AFG2A: variants seen among roughly 807,000 people sequenced by gnomAD.
AFG2A encodes AAA ATPase AFG2A.
At chr4:123,000,370 C>T in the AFG2A span, among the ~76,000 whole-genome samples, 1 of 151,228 alleles carries the variant, frequency 6.6e-6, no homozygotes, top group African/African-American at 2.4e-5. Flanking sequence ...AGAGGGCATC[C>T]CTGTCTTGTG....
chr4:123,050,805 C>T, the AFG2A span, among the ~76,000 whole-genome samples: 1 of 150,918 alleles, frequency 6.6e-6, no homozygotes, highest in East Asian at 1.9e-4. Context: ...AGTGCAGTGG[C>T]ACTCTCTCGG....
At chr4:123,192,020 T>A in the AFG2A span, among the ~76,000 whole-genome samples, 1 of 151,958 alleles carries the variant, frequency 6.6e-6, no homozygotes, top group South Asian at 2.1e-4. Context: ...AATCATATAG[T>A]CTTTTCTTCT....
the AFG2A span, among the ~76,000 whole-genome samples, chr4:122,930,276 A>G: frequency 6.6e-6 from 1 of 152,230 alleles, no homozygotes; most frequent in Admixed American, 6.5e-5. Flanking sequence ...CTAATAGGAT[A>G]TCGACTTGGT....
chr4:123,130,205 T>C, the AFG2A span, among the ~76,000 whole-genome samples: 2 of 152,068 alleles, frequency 1.3e-5, no homozygotes, highest in African/African-American at 4.8e-5. Flanking sequence ...TATGTAGATA[T>C]GAGGTCTCTC....
chr4:122,969,133 A>T, the AFG2A span, among the ~76,000 whole-genome samples: 1 of 151,484 alleles, frequency 6.6e-6, no homozygotes, highest in Non-Finnish European at 1.5e-5. Flanking sequence ...ATTATAATAT[A>T]TATTGATATA....
At chr4:123,067,238 G>A in the AFG2A span, among the ~76,000 whole-genome samples, 1 of 152,206 alleles carries the variant, frequency 6.6e-6, no homozygotes, top group East Asian at 1.9e-4. Flanking sequence ...AGAAAATGAG[G>A]CTGGGCACGG....
the AFG2A span, among the ~76,000 whole-genome samples, chr4:123,176,091 C>A: frequency 2.0e-5 from 3 of 152,154 alleles, no homozygotes; most frequent in Non-Finnish European, 4.4e-5. Context: ...ATTAAATCAT[C>A]TGTAAGGAGG....
At chr4:123,218,089 A>G in the AFG2A span, among the ~76,000 whole-genome samples, 1 of 152,224 alleles carries the variant, frequency 6.6e-6, no homozygotes, top group Non-Finnish European at 1.5e-5. Context: ...ATACAGGAGC[A>G]GGATGGTGTA....
chr4:123,163,418 G>A, the AFG2A span, among the ~76,000 whole-genome samples: 1 of 152,070 alleles, frequency 6.6e-6, no homozygotes, highest in Non-Finnish European at 1.5e-5. Context: ...TTCCAGCCTG[G>A]GCTACAGAGT....
the AFG2A span, among the ~76,000 whole-genome samples, chr4:123,043,887 A>T: frequency 2.6e-5 from 4 of 152,210 alleles, no homozygotes; most frequent in Non-Finnish European, 4.4e-5. Context: ...AAACACTTGC[A>T]GTCAGCAGAT....
At chr4:122,977,745 G>A in the AFG2A span, among the ~76,000 whole-genome samples, 1 of 152,266 alleles carries the variant, frequency 6.6e-6, no homozygotes, top group East Asian at 1.9e-4. Flanking sequence ...GTGGACAGCT[G>A]GAGGGTGAGC....
At chr4:123,025,487 C>A in the AFG2A span, among the ~76,000 whole-genome samples, 1 of 152,120 alleles carries the variant, frequency 6.6e-6, no homozygotes, top group African/African-American at 2.4e-5. Flanking sequence ...CAGAACCTGT[C>A]TGAATATGAC....
chr4:123,042,898 T>C, the AFG2A span, among the ~76,000 whole-genome samples: 16 of 152,244 alleles, frequency 1.1e-4, no homozygotes, highest in Non-Finnish European at 1.6e-4. Flanking sequence ...TTAAAACTTT[T>C]AGTCAGTTAC....
the AFG2A span, among the ~76,000 whole-genome samples, chr4:123,244,209 A>T: frequency 6.6e-6 from 1 of 152,242 alleles, no homozygotes; most frequent in Non-Finnish European, 1.5e-5. Context: ...GGCTGGGACC[A>T]GCCTGGGAGA....
At chr4:123,038,674 C>A in the AFG2A span, among the ~76,000 whole-genome samples, 1 of 152,088 alleles carries the variant, frequency 6.6e-6, no homozygotes, top group African/African-American at 2.4e-5. Context: ...TAGTCCTGTA[C>A]AAAGTCATAT....
the AFG2A span, among the ~76,000 whole-genome samples, chr4:122,950,097 G>T: frequency 1.3e-5 from 2 of 152,220 alleles, no homozygotes; most frequent in East Asian, 3.9e-4. Context: ...CCTTGTGTTA[G>T]AAGAGTATAC....
chr4:123,308,194 T>C, the AFG2A span, among the ~76,000 whole-genome samples: 1 of 152,210 alleles, frequency 6.6e-6, no homozygotes, highest in African/African-American at 2.4e-5. Context: ...GAATTTCTAA[T>C]TTATGTTAGA....
the AFG2A span, among the ~76,000 whole-genome samples, chr4:123,031,041 A>G: frequency 6.6e-5 from 10 of 152,200 alleles, no homozygotes; most frequent in Non-Finnish European, 1.0e-4. Context: ...TAGCATTTTC[A>G]TTGGTCCTTT....
chr4:123,173,346 T>G, the AFG2A span, among the ~76,000 whole-genome samples: 2 of 34,082 alleles, frequency 5.9e-5, no homozygotes, highest in African/African-American at 1.1e-4. Context: ...AATGGTTTTT[T>G]TTTTTTTTTT....
Sources: gnomAD v4.1 joint callset for allele counts (sites outside exome capture counted in the v4.1 genomes callset) on GRCh38, gnomAD v4.1.1 for gene constraint, MANE v1.5 for transcripts, NCBI Gene and HGNC (gene_info 2026-07-23, HGNC 2026-07-21) for gene names.